The following GFRA2 variants were observed in gnomAD, a reference collection of about 807,000 sequenced individuals.
The protein encoded by GFRA2 is GDNF family receptor alpha-2.
GFRA2 carries 17 observed loss-of-function variants against 48.3 expected under a neutral mutation model. The observed-to-expected ratio is 0.35, with a 90% CI of 0.24 to 0.53. The LOEUF is 0.53. Ranked by LOEUF, GFRA2 falls within the 20% of genes least tolerant of loss-of-function variation. The pLI, the probability that GFRA2 is intolerant of heterozygous loss-of-function variation, is 0.93. For missense variants in GFRA2, 660 were observed against 637.3 expected (o/e 1.04, Z -0.38); for synonymous variants, 305 against 257.2 (o/e 1.19, Z -1.78).
At position 21,704,943 on chromosome 8, in the gene GFRA2, T is replaced by A. The variant is rs763545689; in HGVS notation, c.1045+42A>T. 6.4e-6 allele frequency: 9 copies of A among 1,399,786 alleles called. No homozygotes were observed. The African/African-American group carries it at 1.2e-4, about 19-fold the overall frequency. 86.7% of individuals were successfully genotyped at this position (1,399,786 alleles called of 1,614,324 possible). ...TGGCTAGGACAGACTCCAGGAGGGG[T>A]GGGAGGGGCTGCTGGGGTTGGGGAG... On this transcript the variant is annotated intron_variant, in intron 6 of 8. Transcript: ENST00000524240.
At chr8:21,790,503 G>C (rs529867417), upstream of GFRA2, among the ~76,000 whole-genome samples, 1 of 152,234 alleles carries the variant, frequency 6.6e-6, no homozygotes, top group South Asian at 2.1e-4. Context: ...GAAAGCTAGA[G>C]GGAGCAACTT....
At chr8:21,720,722 C>T (rs1803554654) in intron 4 of GFRA2, among the ~76,000 whole-genome samples, 1 of 152,160 alleles carries the variant, frequency 6.6e-6, no homozygotes, top group African/African-American at 2.4e-5. Context: ...TCCAGTTCAC[C>T]CTTCCAAACC....
chr8:21,708,478 G>C (rs1016531802), intron 4 of GFRA2, among the ~76,000 whole-genome samples: 1 of 152,210 alleles, frequency 6.6e-6, no homozygotes, highest in South Asian at 2.1e-4. Flanking sequence ...ATGGGATTTA[G>C]AGACAAAATC....
chr8:21,707,836 A>G (rs1003848738), intron 4 of GFRA2, among the ~76,000 whole-genome samples: 5 of 152,244 alleles, frequency 3.3e-5, no homozygotes, highest in African/African-American at 1.2e-4. Context: ...TTATACACTT[A>G]CATGGTGCAT....
intron 4 of GFRA2, among the ~76,000 whole-genome samples, chr8:21,747,756 C>CCACACACACACA (rs61578379): frequency 2.2e-5 from 3 of 139,060 alleles, no homozygotes; most frequent in African/African-American, 8.1e-5. Context: ...CCATCTTCCA[C>CCACACACACACA]CACACACACA....
At chr8:21,742,532 A>C (rs1333276679) in intron 4 of GFRA2, among the ~76,000 whole-genome samples, 1 of 152,228 alleles carries the variant, frequency 6.6e-6, no homozygotes, top group East Asian at 1.9e-4. Flanking sequence ...ATTCCGTTAC[A>C]GCAGCCTGTA....
At chr8:21,745,375 G>C (rs1357127842) in intron 4 of GFRA2, among the ~76,000 whole-genome samples, 1 of 152,226 alleles carries the variant, frequency 6.6e-6, no homozygotes, top group East Asian at 1.9e-4. Flanking sequence ...TAGCACTGCA[G>C]CATGGGCATG....
intron 4 of GFRA2, among the ~76,000 whole-genome samples, chr8:21,742,436 T>C (rs1378393989): frequency 6.6e-6 from 1 of 152,140 alleles, no homozygotes; most frequent in East Asian, 1.9e-4. Flanking sequence ...CAAGGTGCCA[T>C]CAAGAACCCA....
intron 4 of GFRA2, among the ~76,000 whole-genome samples, chr8:21,726,645 T>C (rs1345425975): frequency 2.6e-5 from 4 of 152,160 alleles, no homozygotes; most frequent in Non-Finnish European, 5.9e-5. Context: ...ATCTTCTTCC[T>C]TGTGTCTCTG....
chr8:21,704,180 A>G (rs888697589), intron 6 of GFRA2, among the ~76,000 whole-genome samples: 2 of 152,224 alleles, frequency 1.3e-5, no homozygotes, highest in Non-Finnish European at 2.9e-5. Context: ...CCCAGGGTGG[A>G]CTGGCAGGCG....
intron 2 of GFRA2, among the ~76,000 whole-genome samples, chr8:21,776,375 C>A (rs1806707853): frequency 6.6e-6 from 1 of 151,960 alleles, no homozygotes; most frequent in South Asian, 2.1e-4. Flanking sequence ...CCTTTCACGT[C>A]ACCTCCTAAA....
At chr8:21,722,199 G>C (rs1585254531) in intron 4 of GFRA2, among the ~76,000 whole-genome samples, 1 of 152,084 alleles carries the variant, frequency 6.6e-6, no homozygotes, top group Non-Finnish European at 1.5e-5. Context: ...TTCCCCCTCT[G>C]TGCCCTTCCT....
intron 2 of GFRA2, among the ~76,000 whole-genome samples, chr8:21,793,904 C>T (rs2117104832): frequency 6.7e-6 from 1 of 149,516 alleles, no homozygotes; most frequent in Middle Eastern, 3.4e-3. Context: ...CGCTCTGTCA[C>T]CCAGGTTGGA....
At chr8:21,757,997 A>G (rs1805662939) in intron 3 of GFRA2, among the ~76,000 whole-genome samples, 1 of 152,154 alleles carries the variant, frequency 6.6e-6, no homozygotes, top group South Asian at 2.1e-4. Flanking sequence ...AGTGGTGTGC[A>G]ATGCACTCGG....
chr8:21,717,055 C>T lies in GFRA2; in HGVS notation c.795-11014G>A, dbSNP rs544928177. Among the ~76,000 whole-genome samples the T allele has an allele frequency of 9.2e-5, 14 of 152,352 alleles. No individual in the cohort carries two copies. The South Asian group carries it at 2.9e-3, about 32-fold the overall frequency. On this transcript the variant is annotated intron_variant, in intron 4 of 8. Coordinates refer to ENST00000524240, the MANE Select transcript of GFRA2 (RefSeq NM_001495.5). ...AGGTCAGCCGGCTGCTCTCTTGGAGCTTACTTTATCTTCCTTCAAGAAACT... is the reference window on the plus strand; with the variant it reads ...AGGTCAGCCGGCTGCTCTCTTGGAGTTTACTTTATCTTCCTTCAAGAAACT...
At chr8:21,791,162 A>G (rs1296883860), upstream of GFRA2, among the ~76,000 whole-genome samples, 1 of 152,194 alleles carries the variant, frequency 6.6e-6, no homozygotes, top group Non-Finnish European at 1.5e-5. Flanking sequence ...ATAATGAGAG[A>G]AATTCTCTGA....
At chr8:21,752,169 C>A (rs1805324799) in intron 3 of GFRA2, among the ~76,000 whole-genome samples, 1 of 152,120 alleles carries the variant, frequency 6.6e-6, no homozygotes, top group African/African-American at 2.4e-5. Context: ...TTACATCACC[C>A]ATCTTCAATT....
intron 3 of GFRA2, among the ~76,000 whole-genome samples, chr8:21,762,300 G>A (rs1264878653): frequency 2.0e-5 from 3 of 152,142 alleles, no homozygotes; most frequent in African/African-American, 7.2e-5. Flanking sequence ...AAGACCAATA[G>A]CAGAGCCTTG....
Position 21,705,972 on chromosome 8 carries a change from G to A in GFRA2, c.864C>T (p.Asp288=), listed in dbSNP as rs757427158. The A allele has an allele frequency of 2.6e-5, 41 of 1,577,786 alleles. No individual in the cohort carries two copies. The highest frequency in any genetic ancestry group is 3.4e-5 in the Non-Finnish European group (39 of 1,161,360). Residue 288 remains aspartate, a synonymous_variant, in exon 5 of 9, where the codon GAC becomes GAT. Coordinates refer to ENST00000524240, the MANE Select transcript of GFRA2 (RefSeq NM_001495.5). ...SYQTVTSCPA[D]NYQACLGSYA... ...AAGAGCCCAGACACGCCTGGTAATT[G>A]TCCGCAGGGCAGCTGGTGACCGTCT...
Sources: gnomAD v4.1 joint callset for allele counts (sites outside exome capture counted in the v4.1 genomes callset) on GRCh38, gnomAD v4.1.1 for gene constraint, MANE v1.5 for transcripts, NCBI Gene and HGNC (gene_info 2026-07-23, HGNC 2026-07-21) for gene names.